Variants in DGKI observed in about 807,000 individuals in gnomAD.
DGKI encodes the protein DAG kinase iota.
DGKI carries 55 observed loss-of-function variants against 147.5 expected under a neutral mutation model. That is an observed-to-expected ratio of 0.37 (90% CI 0.30 to 0.47). The LOEUF is 0.47. Among genes scored for constraint, DGKI ranks in the 20% least tolerant of loss-of-function variants. The pLI, the probability that DGKI is intolerant of heterozygous loss-of-function variation, is 1.00. For synonymous variants in DGKI, 469 were observed against 477.1 expected (o/e 0.98, Z 0.22); for missense variants, 1,007 against 1,323.8 (o/e 0.76, Z 3.71).
At chr7:137,764,712 G>C (rs1177276514) in intron 1 of DGKI, among the ~76,000 whole-genome samples, 1 of 152,118 alleles carries the variant, frequency 6.6e-6, no homozygotes, top group East Asian at 1.9e-4. Context: ...AATAAGCCTG[G>C]CTTTCACTCT....
At chr7:137,458,394 T>C (rs1814287954) in intron 27 of DGKI, among the ~76,000 whole-genome samples, 1 of 152,194 alleles carries the variant, frequency 6.6e-6, no homozygotes, top group African/African-American at 2.4e-5. Flanking sequence ...CTTAGTCTAG[T>C]GGCAAGATAT....
intron 7 of DGKI, among the ~76,000 whole-genome samples, chr7:137,621,231 T>C (rs1820736101): frequency 6.6e-6 from 1 of 152,186 alleles, no homozygotes; most frequent in African/African-American, 2.4e-5. Flanking sequence ...ACCAGATAAA[T>C]ATTATTAACA....
At chr7:137,797,899 T>C (rs1797082689) in intron 1 of DGKI, among the ~76,000 whole-genome samples, 1 of 151,588 alleles carries the variant, frequency 6.6e-6, no homozygotes, top group Admixed American at 6.6e-5. Flanking sequence ...ACTTAAACAA[T>C]AGAGAAAATC....
At chr7:137,819,599 C>T (rs540571196) in intron 1 of DGKI, among the ~76,000 whole-genome samples, 4 of 152,130 alleles carry the variant, frequency 2.6e-5, no homozygotes, top group Non-Finnish European at 2.9e-5. Context: ...CGTGAGCCAC[C>T]GCGCCCAGCC....
chr7:137,756,657 T>C (rs1225648266), intron 1 of DGKI, among the ~76,000 whole-genome samples: 1 of 152,214 alleles, frequency 6.6e-6, no homozygotes, highest in Admixed American at 6.5e-5. Flanking sequence ...CTTAAAGAGC[T>C]ATTTAACTTC....
chr7:137,410,805 C>A (rs1812134743), intron 29 of DGKI, among the ~76,000 whole-genome samples: 1 of 152,140 alleles, frequency 6.6e-6, no homozygotes, highest in East Asian at 1.9e-4. Context: ...TAATGGAAGG[C>A]CTTGCACAGA....
chr7:137,536,126 T>G (rs945711970), intron 20 of DGKI, among the ~76,000 whole-genome samples: 1 of 152,070 alleles, frequency 6.6e-6, no homozygotes, highest in Non-Finnish European at 1.5e-5. Context: ...ATAATAGAGA[T>G]AAATATACAT....
intron 3 of DGKI, among the ~76,000 whole-genome samples, chr7:137,674,265 G>T (rs909110320): frequency 2.0e-5 from 3 of 152,152 alleles, no homozygotes; most frequent in Non-Finnish European, 4.4e-5. Context: ...AAGGTCACGT[G>T]GTTTAGTTTT....
chr7:137,628,714 C>T, intron 6 of DGKI, among the ~76,000 whole-genome samples: 1 of 152,142 alleles, frequency 6.6e-6, no homozygotes, highest in East Asian at 1.9e-4. Context: ...ATACCAAGAA[C>T]ATTGAGGAAT....
At chr7:137,521,380 T>C (rs1563066271) in intron 21 of DGKI, among the ~76,000 whole-genome samples, 1 of 152,098 alleles carries the variant, frequency 6.6e-6, no homozygotes, top group Non-Finnish European at 1.5e-5. Flanking sequence ...AATGAATCAC[T>C]TTAATATCAC....
In DGKI at chr7:137,430,176, T is replaced by C. The variant is rs1055586146; in HGVS notation, c.2761+13901A>G. On this transcript the variant is annotated intron_variant, in intron 28 of 32. Transcript: ENST00000614521. ...ACCCAAATGTCCAACAATGATAGAC[T>C]GGGTTAAGAAAATGTGGCACATACA... Among the ~76,000 whole-genome samples, 3 of 145,542 alleles carry C rather than the reference T, an allele frequency of 2.1e-5. No homozygotes were observed. In the South Asian group the frequency reaches 7.1e-4, roughly 34 times the overall value.
intron 21 of DGKI, among the ~76,000 whole-genome samples, chr7:137,488,017 T>C (rs796069066): frequency 5.3e-4 from 80 of 152,214 alleles, no homozygotes; most frequent in African/African-American, 1.9e-3. Flanking sequence ...TCATGGACAG[T>C]TGATAATTAT....
chr7:137,567,870 A>G (rs531330980), intron 19 of DGKI, among the ~76,000 whole-genome samples: 1 of 152,338 alleles, frequency 6.6e-6, no homozygotes, highest in African/African-American at 2.4e-5. Flanking sequence ...TATGCTATGC[A>G]TATGATGTAT....
At chr7:137,554,034 G>T (rs1184077164) in intron 19 of DGKI, among the ~76,000 whole-genome samples, 2 of 152,080 alleles carry the variant, frequency 1.3e-5, no homozygotes, top group Non-Finnish European at 2.9e-5. Context: ...CATCTTCTCA[G>T]ACTCAAAAAT....
chr7:137,502,642 G>C (rs967084686), intron 21 of DGKI, among the ~76,000 whole-genome samples: 1 of 152,040 alleles, frequency 6.6e-6, no homozygotes, highest in Non-Finnish European at 1.5e-5. Context: ...TTTAATCTTT[G>C]CCACAATCCT....
chr7:137,533,370 T>C (rs1007635588), intron 20 of DGKI, among the ~76,000 whole-genome samples: 1 of 152,096 alleles, frequency 6.6e-6, no homozygotes, highest in Non-Finnish European at 1.5e-5. Flanking sequence ...ATTTTGATGC[T>C]ACAAATACTA....
intron 7 of DGKI, 106 bp from the exon 8 acceptor site, chr7:137,620,046 C>CACAA (rs890291685): frequency 1.3e-6 from 1 of 761,618 alleles, no homozygotes; most frequent in Non-Finnish European, 2.3e-6. Context: ...CACACACACA[C>CACAA]ACACACACTC....
At chr7:137,811,069 A>G (rs1377161768) in intron 1 of DGKI, among the ~76,000 whole-genome samples, 1 of 152,140 alleles carries the variant, frequency 6.6e-6, no homozygotes, top group African/African-American at 2.4e-5. Context: ...CAGAAAAACT[A>G]AAATTGTTGC....
intron 2 of DGKI, among the ~76,000 whole-genome samples, chr7:137,678,954 C>T (rs912161482): frequency 1.3e-5 from 2 of 152,116 alleles, no homozygotes; most frequent in African/African-American, 2.4e-5. Flanking sequence ...CTAAATAGTT[C>T]GATGTCAAAC....
Sources: allele counts gnomAD v4.1 joint callset (sites outside exome capture counted in the v4.1 genomes callset), GRCh38; gene constraint gnomAD v4.1.1; transcripts MANE v1.5; gene names NCBI Gene and HGNC (gene_info 2026-07-23, HGNC 2026-07-21).